Variants in RNF213 observed in about 807,000 individuals in gnomAD.
RNF213 encodes the protein E3 ubiquitin-protein ligase RNF213.
Under a neutral mutation model 514.4 loss-of-function variants are expected in RNF213, and 341 were observed. The observed-to-expected ratio is 0.66, with a 90% CI of 0.61 to 0.73. The LOEUF is 0.73. Ranked by LOEUF, RNF213 falls within the 30% of genes least tolerant of loss-of-function variation. The probability of loss-of-function intolerance (pLI) is 0.00; values close to 1 mark genes in which losing one functional copy is unlikely to be tolerated. For synonymous variants in RNF213, 2,655 were observed against 2,658.2 expected (o/e 1.00, Z 0.04); for missense variants, 5,767 against 6,615.6 (o/e 0.87, Z 4.45).
At chr17:80,307,272 T>G in intron 13 of RNF213, 71 bp downstream of exon 13, 3 of 1,325,390 alleles carry the variant, frequency 2.3e-6, no homozygotes, top group Non-Finnish European at 3.3e-6. Flanking sequence ...CCCCTATAAT[T>G]GGCCGTGACC....
In RNF213 at chr17:80,382,775, T is replaced by A. The variant is rs1053729224; in HGVS notation, c.13979-204T>A. ...ATTACAATTATGTAGGATAGAGGAA[T>A]TTTTAGAGATTGATGTTATCTTCAA... On this transcript the variant is annotated intron_variant, in intron 57 of 67. Transcript: ENST00000582970. The A allele has an allele frequency of 1.5e-5, 8 of 518,840 alleles. No individual in the cohort carries two copies. In the African/African-American group the frequency reaches 1.5e-4, roughly 10 times the overall value. 32.1% of individuals were successfully genotyped at this position (518,840 alleles called of 1,614,324 possible). A position where few individuals can be genotyped will look rare whatever the true frequency, so the allele number is the denominator to read the frequency against.
Position 80,385,030 on chromosome 17 carries a change from C to CT in RNF213, c.14323-7dup, listed in dbSNP as rs1568168035. ...AAAAATTGTTACTGGGTGGTCTTCC[C>CT]TTCTCCAGGAAGCAGAGCTGAGGCT... On this transcript the variant is annotated splice_polypyrimidine_tract_variant and intron_variant, in intron 59 of 67. Coordinates refer to ENST00000582970, the MANE Select transcript of RNF213 (RefSeq NM_001256071.3). The CT allele has an allele frequency of 5.6e-6, 9 of 1,614,088 alleles. No homozygotes were observed. Among genetic ancestry groups the CT allele is most frequent in the Non-Finnish European group, 7.6e-6 (9 of 1,180,042 alleles).
Position 80,345,838 on chromosome 17 carries a change from C to A in RNF213, c.7503C>A (p.Val2501=), listed in dbSNP as rs919555681. The change falls in exon 29 of 68, where the codon GTC becomes GTA. Residue 2501 remains valine (V), a synonymous_variant. Transcript: ENST00000582970. This position sits in a 1 kb window ranked among gnomAD's most constrained non-coding sequence, Gnocchi z 6.0. ...AAGCTATAAGCTGTATCAAAGAAGT[C>A]CTGTGTGATCATATGGTGGATGGCC... ...TTEAISCIKE[V]LCDHMVDGQP... is the part of the protein sequence containing the mutation. 2 of 1,614,012 alleles carry A rather than the reference C, an allele frequency of 1.2e-6. No homozygotes were observed. The highest frequency in any genetic ancestry group is 2.2e-5 in the East Asian group (1 of 44,894).
At chr17:80,337,495 C>T (rs1599051435) in intron 23 of RNF213, 91 bp from the exon 24 acceptor site, 34 of 1,475,776 alleles carry the variant, frequency 2.3e-5, no homozygotes, top group South Asian at 3.9e-5. Context: ...GGCTCTGCAG[C>T]GAGGCAGAGG....
intron 54 of RNF213, among the ~76,000 whole-genome samples, chr17:80,378,736 GTC>G (rs1371307868): frequency 6.6e-6 from 1 of 152,156 alleles, no homozygotes; most frequent in Admixed American, 6.5e-5. Flanking sequence ...CTGAAATAGA[GTC>G]TATCCAAGAA....
rs187799453 is a variant in RNF213 at position 80,358,730 on chromosome 17, G to A, written c.11054+251G>A. On this transcript the variant is annotated intron_variant, in intron 37 of 67. Transcript: ENST00000582970. ...TCAAGACCGTCCTGGCCAACGTGGT[G>A]AAACCCCGTCTCTACTAAAAATACA... Among the ~76,000 whole-genome samples, 3 of 152,266 alleles carry A rather than the reference G, an allele frequency of 2.0e-5. No homozygotes were observed. The East Asian group carries it at 5.8e-4, about 29-fold the overall frequency.
At position 80,334,257 on chromosome 17, in the gene RNF213, G is replaced by A. The variant is rs899753107; in HGVS notation, c.4296G>A (p.Arg1432=). The change falls in exon 22 of 68, where the codon CGG becomes CGA. Residue 1432 remains arginine (R), a synonymous_variant. Coordinates refer to ENST00000582970, the MANE Select transcript of RNF213 (RefSeq NM_001256071.3). ...SLRKEFICWV[R]EALGGINELK... ...GAAAGGAGTTCATCTGCTGGGTCCG[G>A]GAGGCTCTTGGAGGTAAAATCAGCC... The A allele has an allele frequency of 2.6e-6, 4 of 1,533,286 alleles. No homozygotes were observed. The highest frequency in any genetic ancestry group is 2.6e-6 in the Non-Finnish European group (3 of 1,144,708). The allele number at this position is 1,533,286 out of a possible 1,614,324, so 95.0% of individuals were successfully genotyped here.
At chr17:80,282,100 G>A (rs994201459) in intron 3 of RNF213, among the ~76,000 whole-genome samples, 13 of 152,116 alleles carry the variant, frequency 8.5e-5, no homozygotes, top group Admixed American at 2.6e-4. Context: ...CAAGGAATCC[G>A]CCTGCCTTGA....
At chr17:80,333,421 C>G (rs2046473873) in intron 21 of RNF213, among the ~76,000 whole-genome samples, 1 of 151,068 alleles carries the variant, frequency 6.6e-6, no homozygotes, top group African/African-American at 2.4e-5. Flanking sequence ...TAGCTGGGCA[C>G]AGTGGCTCAT....
intron 41 of RNF213, among the ~76,000 whole-genome samples, chr17:80,364,093 C>T (rs36103733): frequency 0.12 from 17,585 of 152,182 alleles, 1,166 homozygotes; most frequent in Middle Eastern, 0.19. Context: ...ACACCCCGGG[C>T]GGGCAGGTGC....
intron 37 of RNF213, among the ~76,000 whole-genome samples, 184 bp downstream of exon 37, chr17:80,358,663 C>T (rs1379491452): frequency 1.3e-5 from 2 of 152,192 alleles, no homozygotes; most frequent in African/African-American, 4.8e-5. Context: ...GTAATCCCAG[C>T]ACTTTGGGAG....
Position 80,339,845 on chromosome 17 carries a change from G to A in RNF213, c.5478G>A (p.Gln1826=). 1 of 1,536,156 alleles carries A rather than the reference G, an allele frequency of 6.5e-7. No individual in the cohort carries two copies. The highest frequency in any genetic ancestry group is 8.7e-7 in the Non-Finnish European group (1 of 1,146,166). ...AGCGTTGTCTCCCGAGAGGTCTGCA[G>A]GTCGGCCAGCCCAACCTCGTCGTCT... is the stretch of plus-strand genomic sequence containing the variant. The part of the protein sequence containing the change: ...PVERCLPRGL[Q]VGQPNLVVCG... Residue 1826 remains glutamine, a synonymous_variant, in exon 26 of 68, where the codon CAG becomes CAA. Transcript: ENST00000582970.
chr17:80,289,531 AGT>A, intron 5 of RNF213, 126 bp from the exon 6 acceptor site: 1 of 973,038 alleles, frequency 1.0e-6, no homozygotes, highest in East Asian at 2.6e-5. Context: ...CGGAGGTTGC[AGT>A]GAGCTGAGAT....
At chr17:80,287,352 A>G (rs1179226968) in intron 3 of RNF213, among the ~76,000 whole-genome samples, 3 of 152,102 alleles carry the variant, frequency 2.0e-5, no homozygotes, top group Non-Finnish European at 4.4e-5. Context: ...ACCAACAAAA[A>G]ATTAGCTGGG....
chr17:80,354,104 C>A lies in RNF213; in HGVS notation c.10664C>A (p.Thr3555Lys), dbSNP rs745980397. 1.9e-6 allele frequency: 3 copies of A among 1,614,082 alleles called. No individual in the cohort carries two copies. Among genetic ancestry groups the A allele is most frequent in the Non-Finnish European group, 2.5e-6 (3 of 1,180,030 alleles). ...GMLRDQNESC[T>K]RNMRRVVLLL... is the part of the protein sequence containing the mutation. ...CTCAGAGACCAGAACGAGAGCTGCA[C>A]GCGCAATATGCGGAGGGTGGTGCTC... The change falls in exon 35 of 68, where the codon ACG becomes AAG. Residue 3555 changes from threonine to lysine, a missense_variant. Thr to Lys is a moderately conservative substitution (Grantham distance 78, BLOSUM62 -1). Transcript: ENST00000582970.
rs1390334601 is a variant in RNF213, at chr17:80,306,248, G to T, written c.2211-4G>T. ...TTTTCTCCGTCCCTATTTCTCTTAT[G>T]CAGGAGTTCCCTACTTCAGTTTATG... On this transcript the variant is annotated splice_region_variant and splice_polypyrimidine_tract_variant and intron_variant, in intron 11 of 67. Transcript: ENST00000582970. 6.2e-7 allele frequency: 1 copy of T among 1,613,914 alleles called. No individual in the cohort carries two copies. The highest frequency in any genetic ancestry group is 2.2e-5 in the East Asian group (1 of 44,876).
At chr17:80,385,215 C>G in intron 60 of RNF213, 44 bp downstream of exon 60, 3 of 1,612,890 alleles carry the variant, frequency 1.9e-6, no homozygotes, top group Non-Finnish European at 2.5e-6. Context: ...CCGCATTTGG[C>G]GGTTCGAAAG....
Position 80,347,840 on chromosome 17 carries a change from C to G in RNF213, c.9505C>G (p.Leu3169Val). 6.2e-7 allele frequency: 1 copy of G among 1,614,166 alleles called. No homozygotes were observed. Among genetic ancestry groups the G allele is most frequent in the South Asian group, 1.1e-5 (1 of 91,078 alleles). The change falls in exon 29 of 68, where the codon CTG becomes GTG. Residue 3169 changes from leucine to valine, a missense_variant. Around this residue, in one of 13 missense-constraint regions of RNF213, gnomAD observed 919 missense variants for 1,121.0 expected, o/e 0.82. Transcript: ENST00000582970. The surrounding 1 kb of genome is among the most constrained non-coding windows in gnomAD (Gnocchi z 7.2). ...CTTTCCCATCCCCCTCATTAACCGG[C>G]TGGAGAAGCACTATCTGGATATCAA... ...KHFPIPLINRLEKHYLDINTV... is the reference protein window; with the variant it reads ...KHFPIPLINRVEKHYLDINTV...
At chr17:80,272,834 G>A (rs973434199) in intron 2 of RNF213, among the ~76,000 whole-genome samples, 1 of 152,148 alleles carries the variant, frequency 6.6e-6, no homozygotes, top group African/African-American at 2.4e-5. Flanking sequence ...TGAGACCCCT[G>A]GGCCGCCACT....
Sources: allele counts gnomAD v4.1 joint callset (sites outside exome capture counted in the v4.1 genomes callset), GRCh38; gene constraint gnomAD v4.1.1; regional missense constraint gnomAD v4.1.1; non-coding constraint Gnocchi (gnomAD v3.1); transcripts MANE v1.5; gene names NCBI Gene and HGNC (gene_info 2026-07-23, HGNC 2026-07-21).